TCERG1L: variants seen among roughly 807,000 people sequenced by gnomAD.
TCERG1L encodes the protein transcription elongation regulator 1-like protein.
A neutral mutation model predicts 56.3 loss-of-function variants in TCERG1L; 37 were observed. The ratio of observed to expected loss-of-function variants is 0.66; its 90% confidence interval spans 0.51 to 0.87. TCERG1L has a LOEUF of 0.87. Among genes scored for constraint, TCERG1L ranks in the 40% least tolerant of loss-of-function variants. The pLI is 0.00. For missense variants in TCERG1L, 799 were observed against 774.2 expected (o/e 1.03, Z -0.38); for synonymous variants, 324 against 326.3 (o/e 0.99, Z 0.08).
At chr10:131,174,037 G>A (rs1355944666) in intron 4 of TCERG1L, among the ~76,000 whole-genome samples, 3 of 152,286 alleles carry the variant, frequency 2.0e-5, no homozygotes, top group African/African-American at 4.8e-5. Flanking sequence ...GGATGGAGTC[G>A]GAGTGGCAGG....
chr10:131,155,438 G>C (rs1011110884), intron 6 of TCERG1L, among the ~76,000 whole-genome samples: 9 of 152,308 alleles, frequency 5.9e-5, no homozygotes, highest in Admixed American at 3.3e-4. Flanking sequence ...TTGCCGGGAG[G>C]GCAGCATCTG....
At chr10:131,201,514 T>C (rs1300079407) in intron 4 of TCERG1L, among the ~76,000 whole-genome samples, 1 of 152,176 alleles carries the variant, frequency 6.6e-6, no homozygotes, top group East Asian at 1.9e-4. Flanking sequence ...TCACTGCCAA[T>C]GTAGAATTGT....
At chr10:131,160,760 G>T (rs923923587) in intron 6 of TCERG1L, 3 of 152,278 alleles carry the variant, frequency 2.0e-5, no homozygotes, top group African/African-American at 7.2e-5. Context: ...GACCCACGCC[G>T]AGGGAGGGGA....
intron 6 of TCERG1L, among the ~76,000 whole-genome samples, chr10:131,153,917 G>A (rs1198174736): frequency 6.6e-6 from 1 of 152,192 alleles, no homozygotes; most frequent in African/African-American, 2.4e-5. Flanking sequence ...AGTTGAACCA[G>A]AGCGGGTATG....
In TCERG1L at chr10:131,278,396, G is replaced by A. The variant is rs183581684; in HGVS notation, c.671-17952C>T. On this transcript the variant is annotated intron_variant, in intron 3 of 11. Coordinates refer to ENST00000368642, the MANE Select transcript of TCERG1L (RefSeq NM_174937.4). ...TCCGTCACCCAGGCTAGAGTGCAAT[G>A]GCCTGATCTCAGCTCACTGCAACCT... 7.3e-4 allele frequency among the ~76,000 whole-genome samples: 106 copies of A among 144,774 alleles called. 1 individual carries two copies. Among genetic ancestry groups the A allele is most frequent in the African/African-American group, 2.7e-3 (103 of 38,856 alleles). The allele number at this position is 144,774 out of a possible 152,430, so 95.0% of individuals were successfully genotyped here.
intron 8 of TCERG1L, among the ~76,000 whole-genome samples, chr10:131,127,927 A>T (rs1845579479): frequency 6.6e-6 from 1 of 152,188 alleles, no homozygotes; most frequent in African/African-American, 2.4e-5. Context: ...GCTCAGAGAA[A>T]CACCCCCAGG....
intron 4 of TCERG1L, among the ~76,000 whole-genome samples, chr10:131,254,807 AG>A (rs1846151077): frequency 6.6e-6 from 1 of 152,198 alleles, no homozygotes; most frequent in Admixed American, 6.5e-5. Context: ...TCTTTGTGGC[AG>A]GGGGTGAAAA....
chr10:131,101,533 G>A (rs1200966805), intron 10 of TCERG1L, among the ~76,000 whole-genome samples: 2 of 152,068 alleles, frequency 1.3e-5, no homozygotes, highest in African/African-American at 4.8e-5. Context: ...TGCCACGCAC[G>A]CCACACACAA....
chr10:131,229,900 TGAG>T (rs1439409661), intron 4 of TCERG1L, among the ~76,000 whole-genome samples: 2 of 152,198 alleles, frequency 1.3e-5, no homozygotes, highest in African/African-American at 4.8e-5. Context: ...AACGAAGCGC[TGAG>T]GAGAACGTGA....
At chr10:131,171,914 A>G (rs1054317264) in intron 4 of TCERG1L, among the ~76,000 whole-genome samples, 14 of 152,362 alleles carry the variant, frequency 9.2e-5, no homozygotes, top group African/African-American at 2.9e-4. Context: ...TTCTTTAAAA[A>G]TTATTAAAAT....
chr10:131,179,948 G>C (rs12217936), intron 4 of TCERG1L, among the ~76,000 whole-genome samples: 69,982 of 152,036 alleles, frequency 0.46, 19,238 homozygotes, highest in South Asian at 0.68. Flanking sequence ...TCCAGACAAA[G>C]AGCTGGCAAT....
intron 7 of TCERG1L, among the ~76,000 whole-genome samples, chr10:131,139,688 GT>G (rs555251024): frequency 6.2e-4 from 69 of 111,052 alleles, no homozygotes; most frequent in African/African-American, 2.2e-3. Context: ...GTGTGTGTGT[GT>G]CTGTGTGTGT....
At chr10:131,216,769 G>C (rs1007507698) in intron 4 of TCERG1L, among the ~76,000 whole-genome samples, 2 of 152,324 alleles carry the variant, frequency 1.3e-5, no homozygotes, top group African/African-American at 4.8e-5. Context: ...GTCTTGTGCT[G>C]GCTGCGGGCC....
intron 4 of TCERG1L, among the ~76,000 whole-genome samples, chr10:131,199,510 G>A (rs1387426412): frequency 6.6e-6 from 1 of 152,122 alleles, no homozygotes; most frequent in African/African-American, 2.4e-5. Flanking sequence ...ATTATAACAA[G>A]GGTACCCTTC....
intron 4 of TCERG1L, among the ~76,000 whole-genome samples, chr10:131,231,717 C>A (rs1043757557): frequency 2.0e-5 from 3 of 152,112 alleles, no homozygotes; most frequent in Non-Finnish European, 4.4e-5. Flanking sequence ...GAGGCCGGCA[C>A]GTGGGGGGAA....
chr10:131,285,556 A>G (rs1589772599), intron 3 of TCERG1L, among the ~76,000 whole-genome samples: 2 of 141,430 alleles, frequency 1.4e-5, no homozygotes, highest in African/African-American at 5.1e-5. Context: ...GAAAGGAAGG[A>G]AGAAAGAAAA....
At position 131,235,122 on chromosome 10, in the gene TCERG1L, A is replaced by G. The variant is rs140905962; in HGVS notation, c.856+25137T>C. Among the ~76,000 whole-genome samples the G allele has an allele frequency of 3.7e-3, 567 of 152,330 alleles. 7 individuals are homozygous for G. The highest frequency in any genetic ancestry group is 0.013 in the African/African-American group (540 of 41,578). The stretch of plus-strand genomic sequence containing the variant: ...ACAGGCAGGGTCCTGCAGGTGCAGG[A>G]GGGTCACTCAGATGGCGCCCAAGGT... On this transcript the variant is annotated intron_variant, in intron 4 of 11. Transcript: ENST00000368642.
chr10:131,093,892 C>CCA (rs1319332710), intron 11 of TCERG1L, among the ~76,000 whole-genome samples: 3 of 152,146 alleles, frequency 2.0e-5, no homozygotes, highest in East Asian at 3.9e-4. Flanking sequence ...AACTGGACTC[C>CCA]CACATTCGAA....
intron 3 of TCERG1L, among the ~76,000 whole-genome samples, chr10:131,283,358 A>T (rs1846484782): frequency 6.6e-6 from 1 of 152,180 alleles, no homozygotes; most frequent in Non-Finnish European, 1.5e-5. Flanking sequence ...TTCACGGGGG[A>T]CTGGTCTGCT....
Sources: gnomAD v4.1 joint callset for allele counts (sites outside exome capture counted in the v4.1 genomes callset) on GRCh38, gnomAD v4.1.1 for gene constraint, MANE v1.5 for transcripts, NCBI Gene and HGNC (gene_info 2026-07-23, HGNC 2026-07-21) for gene names.